NOL9: variants seen among roughly 807,000 people sequenced by gnomAD.
The protein encoded by NOL9 is polynucleotide 5'-hydroxyl-kinase NOL9.
A neutral mutation model predicts 67.9 loss-of-function variants in NOL9; 28 were observed. The ratio of observed to expected loss-of-function variants is 0.41; its 90% CI spans 0.31 to 0.57. The LOEUF (loss-of-function observed/expected upper bound fraction) is 0.57, where lower values mean the gene tolerates loss of function less well. NOL9 is among the 20% of genes least tolerant of loss of function. The pLI is 0.25. For synonymous variants in NOL9, 356 were observed against 352.2 expected, an observed-to-expected ratio of 1.01 and a Z score of -0.12; for missense variants, 777 against 897.0, an observed-to-expected ratio of 0.87 and a Z score of 1.71.
At chr1:6,553,882 C>G (rs1167719486) in intron 1 of NOL9, among the ~76,000 whole-genome samples, 1 of 152,008 alleles carries the variant, frequency 6.6e-6, no homozygotes, top group African/African-American at 2.4e-5. Context: ...AAAATAAAGT[C>G]CCTTTAGCTC....
At chr1:6,539,062 A>T (rs4908561) in intron 6 of NOL9, among the ~76,000 whole-genome samples, 38,463 of 152,224 alleles carry the variant, frequency 0.25, 6,217 homozygotes, top group Admixed American at 0.36. Flanking sequence ...GCCAATAAGT[A>T]CATGCTCAAC....
intron 3 of NOL9, chr1:6,548,673 AG>A: frequency 4.6e-6 from 1 of 219,588 alleles, no homozygotes; most frequent in Non-Finnish European, 9.5e-6. Flanking sequence ...TAAAAATTAG[AG>A]GTAAGGAAAG....
rs764211850 is a variant in NOL9, at chr1:6,550,470, T to C, written c.542A>G (p.Tyr181Cys). The change falls in exon 2 of 12, where the codon TAC becomes TGC. Residue 181 changes from tyrosine (Y) to cysteine (C), a missense_variant. Physicochemically the swap from Tyr to Cys is radical, Grantham distance 194. This residue lies in a region of NOL9 where 364 missense variants were observed against 344.4 expected (regional missense o/e 1.06). Transcript: ENST00000377705. Reference protein sequence around the residue: ...HSCLSIHALHYSQPEKSKKEL... With the variant: ...HSCLSIHALHCSQPEKSKKEL... ...CTTCTTGCTTTTCTCAGGCTGTGAG[T>C]AGTGAAGTGCATGGATACTCAAGCA... 3 of 1,613,884 alleles carry C rather than the reference T, an allele frequency of 1.9e-6. No individual in the cohort carries two copies. The highest frequency in any genetic ancestry group is 2.2e-5 in the East Asian group (1 of 44,882).
chr1:6,544,614 C>G (rs1490314141), intron 5 of NOL9, among the ~76,000 whole-genome samples: 1 of 133,018 alleles, frequency 7.5e-6, no homozygotes, highest in Non-Finnish European at 1.5e-5. Context: ...TCTTGGAAGT[C>G]TGCCTGCAGG....
At chr1:6,534,057 T>C (rs931521358) in intron 6 of NOL9, among the ~76,000 whole-genome samples, 2 of 151,966 alleles carry the variant, frequency 1.3e-5, no homozygotes, top group Admixed American at 6.6e-5. Flanking sequence ...CCGGCTTATT[T>C]TGTATTTTTA....
At position 6,523,425 on chromosome 1, in the gene NOL9, G is replaced by GA. The variant is rs1201208282; in HGVS notation, c.*2428dup. 1.4e-5 allele frequency: 2 copies of GA among 143,994 alleles called. No individual in the cohort carries two copies. The highest frequency in any genetic ancestry group is 5.1e-5 in the African/African-American group (2 of 39,024). 8.9% of individuals were successfully genotyped at this position (143,994 alleles called of 1,614,324 possible). ...TGAAACCCCTTCTCTACTAAAAATA[G>GA]AAAATCAGCCAGGCATGGTGGCGCA... On this transcript the variant is annotated 3_prime_UTR_variant, in exon 12 of 12. Coordinates refer to ENST00000377705, the MANE Select transcript of NOL9 (RefSeq NM_024654.5).
intron 5 of NOL9, among the ~76,000 whole-genome samples, chr1:6,544,170 C>T (rs1639363043): frequency 6.6e-6 from 1 of 151,700 alleles, no homozygotes. Context: ...GTGGTCCCTG[C>T]TACGTGGGAG....
chr1:6,535,634 AAGAC>A (rs1420587611), intron 6 of NOL9, among the ~76,000 whole-genome samples: 1 of 152,126 alleles, frequency 6.6e-6, no homozygotes, highest in Non-Finnish European at 1.5e-5. Flanking sequence ...GTTTATTTTT[AAGAC>A]AGGGTCAGCT....
chr1:6,544,645 C>T lies in NOL9; in HGVS notation c.977+181G>A, dbSNP rs1427008387. On this transcript the variant is annotated intron_variant, in intron 5 of 11. Coordinates refer to ENST00000377705, the MANE Select transcript of NOL9 (RefSeq NM_024654.5). Reference sequence around the variant, plus strand: ...GCAGGTAAGGCAAAGTCAGCCTACGCTAGAGCATTGTCACATACTGCAAAG... The same window carrying T: ...GCAGGTAAGGCAAAGTCAGCCTACGTTAGAGCATTGTCACATACTGCAAAG... Among the ~76,000 whole-genome samples, 5 of 146,894 alleles carry T rather than the reference C, an allele frequency of 3.4e-5. No homozygotes were observed. In the East Asian group the frequency reaches 1.0e-3, roughly 30 times the overall value.
chr1:6,537,741 A>C (rs778294940), intron 6 of NOL9, among the ~76,000 whole-genome samples: 1 of 152,150 alleles, frequency 6.6e-6, no homozygotes, highest in Non-Finnish European at 1.5e-5. Flanking sequence ...GAAAATCTCA[A>C]TATCTATATT....
intron 6 of NOL9, among the ~76,000 whole-genome samples, chr1:6,539,359 T>C (rs1639225471): frequency 1.3e-5 from 2 of 152,224 alleles, no homozygotes; most frequent in Admixed American, 6.5e-5. Context: ...CCCATGTTCA[T>C]AGCAGGATTA....
At chr1:6,541,772 G>A (rs759811209) in intron 6 of NOL9, 58 bp downstream of exon 6, 194 of 1,005,466 alleles carry the variant, frequency 1.9e-4, no homozygotes, top group Non-Finnish European at 2.5e-4. Flanking sequence ...GTTTTTGTTA[G>A]CATCATCACA....
chr1:6,530,430 G>A (rs1483802937), intron 9 of NOL9, among the ~76,000 whole-genome samples: 1 of 152,078 alleles, frequency 6.6e-6, no homozygotes, highest in Non-Finnish European at 1.5e-5. Context: ...CTCTGGCATG[G>A]GCAACAAGAG....
intron 3 of NOL9, among the ~76,000 whole-genome samples, chr1:6,549,064 CAG>C (rs1167882115): frequency 2.0e-5 from 3 of 151,786 alleles, no homozygotes; most frequent in African/African-American, 7.3e-5. Flanking sequence ...AGCCTGGCAA[CAG>C]AGAGAGAGTC....
chr1:6,529,434 C>T (rs1557782760), intron 9 of NOL9, among the ~76,000 whole-genome samples: 1 of 151,750 alleles, frequency 6.6e-6, no homozygotes. Flanking sequence ...ACAAAAAACA[C>T]AAAATTAGCC....
intron 4 of NOL9, 29 bp downstream of exon 4, chr1:6,545,016 A>G: frequency 1.2e-6 from 2 of 1,614,140 alleles, no homozygotes; most frequent in Non-Finnish European, 1.7e-6. Flanking sequence ...GTGGACAGAC[A>G]TTCAGGGTGA....
intron 9 of NOL9, among the ~76,000 whole-genome samples, chr1:6,531,085 T>C (rs1291381128): frequency 6.6e-6 from 1 of 152,262 alleles, no homozygotes; most frequent in Non-Finnish European, 1.5e-5. Context: ...CCGCTAGTTT[T>C]GTTTTTTCAT....
intron 1 of NOL9, among the ~76,000 whole-genome samples, chr1:6,552,464 T>C (rs1022103557): frequency 5.9e-5 from 9 of 152,284 alleles, no homozygotes; most frequent in Middle Eastern, 3.4e-3. Context: ...TTAATTTTTA[T>C]TTATTTATTT....
intron 9 of NOL9, 31 bp downstream of exon 9, chr1:6,531,937 G>A (rs775599154): frequency 7.1e-6 from 11 of 1,554,384 alleles, no homozygotes; most frequent in Admixed American, 1.7e-5. Context: ...GTAACAAAAT[G>A]AAGACAATTT....
Sources: allele counts gnomAD v4.1 joint callset (sites outside exome capture counted in the v4.1 genomes callset), GRCh38; gene constraint gnomAD v4.1.1; regional missense constraint gnomAD v4.1.1; transcripts MANE v1.5; gene names NCBI Gene and HGNC (gene_info 2026-07-23, HGNC 2026-07-21).